The following WWC1 variants were observed in gnomAD, a reference collection of about 807,000 sequenced individuals.
WWC1 encodes protein KIBRA.
WWC1 carries 55 observed loss-of-function variants against 138.4 expected under a neutral mutation model. That is an observed-to-expected ratio of 0.40 (90% CI 0.32 to 0.50). WWC1 has a LOEUF of 0.50. Ranked by LOEUF, WWC1 falls within the 20% of genes least tolerant of loss-of-function variation. The pLI is 0.72. For missense variants in WWC1, 1,226 were observed against 1,420.4 expected, an observed-to-expected ratio of 0.86 and a Z score of 2.20; for synonymous variants, 524 against 564.9, an observed-to-expected ratio of 0.93 and a Z score of 1.03.
chr5:168,408,512 T>C lies in WWC1; in HGVS notation c.726T>C (p.Leu242=). 1 of 1,614,004 alleles carries C rather than the reference T, an allele frequency of 6.2e-7. No homozygotes were observed. The change falls in exon 7 of 23, where the codon CTT becomes CTC. Residue 242 remains leucine, a synonymous_variant. Transcript: ENST00000265293. ...EKEKQDLIKS[L]AMLKDGFRTD... Reference sequence around the variant, plus strand: ...CCTGCTCTCCCCTCCTTCAGAGCCTTGCCATGTTGAAGGACGGCTTCCGCA... The same window carrying C: ...CCTGCTCTCCCCTCCTTCAGAGCCTCGCCATGTTGAAGGACGGCTTCCGCA...
rs969962501 is a variant in WWC1 at position 168,469,681 on chromosome 5, A to C, written c.*664A>C. 6.6e-6 allele frequency: 1 copy of C among 152,264 alleles called. No homozygotes were observed. Among genetic ancestry groups the C allele is most frequent in the Non-Finnish European group, 1.5e-5 (1 of 68,110 alleles). The allele number at this position is 152,264 out of a possible 1,614,324, so 9.4% of individuals were successfully genotyped here. ...CTGGTCTCAGATGCCCAGTGAAGCC[A>C]CTAACATGAGTGAGGGGAGGGCTGT... On this transcript the variant is annotated 3_prime_UTR_variant, in exon 23 of 23. Transcript: ENST00000265293.
chr5:168,437,451 T>C (rs1007309942), intron 15 of WWC1, among the ~76,000 whole-genome samples: 6 of 152,216 alleles, frequency 3.9e-5, no homozygotes, highest in African/African-American at 7.2e-5. Context: ...GGTACACTTT[T>C]AAATGATGGC....
At chr5:168,409,786 A>G (rs1276362363) in intron 7 of WWC1, 136 bp from the exon 8 acceptor site, 3 of 839,014 alleles carry the variant, frequency 3.6e-6, no homozygotes, top group South Asian at 2.9e-5. Flanking sequence ...TGCGATCTGC[A>G]CCGCCAGCCC....
intron 9 of WWC1, among the ~76,000 whole-genome samples, chr5:168,421,771 T>A (rs1289026469): frequency 6.6e-6 from 1 of 152,210 alleles, no homozygotes; most frequent in Non-Finnish European, 1.5e-5. Flanking sequence ...ATTGTGTGAC[T>A]GAATTAAGGC....
intron 10 of WWC1, among the ~76,000 whole-genome samples, chr5:168,422,299 T>G (rs76945460): frequency 6.6e-6 from 1 of 152,180 alleles, no homozygotes; most frequent in Non-Finnish European, 1.5e-5. Context: ...TCCAGACTGA[T>G]AGCACAAAGA....
chr5:168,301,165 G>A (rs1340887437), intron 1 of WWC1, among the ~76,000 whole-genome samples: 1 of 152,112 alleles, frequency 6.6e-6, no homozygotes, highest in African/African-American at 2.4e-5. Context: ...AACTGAGGCC[G>A]AGAGACAAGT....
chr5:168,468,008 A>C, intron 22 of WWC1, 44 bp downstream of exon 22: 1 of 1,611,184 alleles, frequency 6.2e-7, no homozygotes, highest in Non-Finnish European at 8.5e-7. Context: ...TTCTCAGCCA[A>C]CCCACGGCCT....
Position 168,471,830 on chromosome 5 carries a change from G to A in WWC1, c.*2813G>A, listed in dbSNP as rs541819807. 10 of 152,434 alleles carry A rather than the reference G, an allele frequency of 6.6e-5. No homozygotes were observed. The highest frequency in any genetic ancestry group is 2.4e-4 in the African/African-American group (10 of 41,590). The allele number at this position is 152,434 out of a possible 1,614,324, so 9.4% of individuals were successfully genotyped here. A position where few individuals can be genotyped will look rare whatever the true frequency, so the allele number is the denominator to read the frequency against. On this transcript the variant is annotated 3_prime_UTR_variant, in exon 23 of 23. Transcript: ENST00000265293. ...AAGGAAAGCAGATGCAAGAGATGGA[G>A]ACAGAATGGGGGTGTCCTGGGGATC...
At chr5:168,357,532 A>C (rs1215419364) in intron 1 of WWC1, among the ~76,000 whole-genome samples, 1 of 148,162 alleles carries the variant, frequency 6.7e-6, no homozygotes, top group Non-Finnish European at 1.5e-5. Flanking sequence ...ATGCCAGGGT[A>C]TTGTGTTCCC....
intron 2 of WWC1, among the ~76,000 whole-genome samples, chr5:168,377,889 T>C (rs1777339195): frequency 6.6e-6 from 1 of 152,104 alleles, no homozygotes; most frequent in Non-Finnish European, 1.5e-5. Context: ...TCAAAGAACT[T>C]AGAACTACCA....
intron 15 of WWC1, among the ~76,000 whole-genome samples, chr5:168,432,095 G>T (rs1208889971): frequency 6.6e-6 from 1 of 151,164 alleles, no homozygotes; most frequent in Non-Finnish European, 1.5e-5. Context: ...AAACACATAG[G>T]CATTCACATC....
At chr5:168,404,946 G>A (rs149244868) in intron 5 of WWC1, among the ~76,000 whole-genome samples, 183 of 151,014 alleles carry the variant, frequency 1.2e-3, no homozygotes, top group African/African-American at 4.0e-3. Flanking sequence ...GTAGGGCCTG[G>A]ATAAGCCAAT....
At position 168,455,498 on chromosome 5, in the gene WWC1, C is replaced by A. The variant is rs1304577297; in HGVS notation, c.2801C>A (p.Pro934His). 6.2e-7 allele frequency: 1 copy of A among 1,613,058 alleles called. No individual in the cohort carries two copies. Among genetic ancestry groups the A allele is most frequent in the Non-Finnish European group, 8.5e-7 (1 of 1,179,544 alleles). Reference protein sequence around the residue: ...IIRSKTFSPGPQSQYVCRLNR... With the variant: ...IIRSKTFSPGHQSQYVCRLNR... ...CGCTCTAAGACCTTCTCCCCAGGAC[C>A]CCAGAGCCAGTACGTGTGCCGGGTA... is the stretch of plus-strand genomic sequence containing the variant. The change falls in exon 19 of 23, where the codon CCC becomes CAC. Residue 934 changes from proline (P) to histidine (H), a missense_variant. Physicochemically the swap from Pro to His is moderately conservative, Grantham distance 77. Coordinates refer to ENST00000265293, the MANE Select transcript of WWC1 (RefSeq NM_015238.3).
intron 1 of WWC1, among the ~76,000 whole-genome samples, chr5:168,310,564 G>A (rs1273890201): frequency 6.6e-6 from 1 of 152,098 alleles, no homozygotes; most frequent in Non-Finnish European, 1.5e-5. Flanking sequence ...CAGGCACAGA[G>A]TGGCTCATGC....
chr5:168,452,384 T>C (rs1470883838), intron 17 of WWC1, among the ~76,000 whole-genome samples: 1 of 152,028 alleles, frequency 6.6e-6, no homozygotes, highest in African/African-American at 2.4e-5. Flanking sequence ...ACGAGACCAT[T>C]GAAGTTGGGC....
intron 7 of WWC1, among the ~76,000 whole-genome samples, chr5:168,409,038 T>C (rs75999101): frequency 0.012 from 1,785 of 152,280 alleles, 33 homozygotes; most frequent in East Asian, 0.037. Context: ...GAGGATATTT[T>C]CCTCCTGTTA....
At chr5:168,456,791 CA>C (rs150611010) in intron 19 of WWC1, among the ~76,000 whole-genome samples, 24 of 150,312 alleles carry the variant, frequency 1.6e-4, no homozygotes, top group African/African-American at 5.9e-4. Flanking sequence ...AAAATCCCAC[CA>C]AAAAAAATTA....
intron 1 of WWC1, among the ~76,000 whole-genome samples, chr5:168,336,288 C>T (rs376469280): frequency 2.6e-4 from 40 of 152,082 alleles, no homozygotes; most frequent in South Asian, 1.0e-3. Context: ...AAACAATACC[C>T]GGCCAGCCAC....
At chr5:168,300,168 C>T (rs1363824522) in intron 1 of WWC1, among the ~76,000 whole-genome samples, 1 of 152,050 alleles carries the variant, frequency 6.6e-6, no homozygotes, top group African/African-American at 2.4e-5. Flanking sequence ...GCTGCTGCCT[C>T]GAATCCGTTT....
Sources: allele counts gnomAD v4.1 joint callset (sites outside exome capture counted in the v4.1 genomes callset), GRCh38; gene constraint gnomAD v4.1.1; transcripts MANE v1.5; gene names NCBI Gene and HGNC (gene_info 2026-07-23, HGNC 2026-07-21).